The following YES1 variants were observed in gnomAD, a reference collection of about 807,000 sequenced individuals.
YES1 encodes the protein YES proto-oncogene 1, Src family tyrosine kinase.
Under a neutral mutation model 70.4 loss-of-function variants are expected in YES1, and 39 were observed. The observed-to-expected ratio is 0.55, with a 90% confidence interval of 0.43 to 0.72. YES1 has a LOEUF of 0.72. Ranked by LOEUF, YES1 falls within the 30% of genes least tolerant of loss-of-function variation. The pLI is 0.00. For missense variants in YES1, 495 were observed against 644.8 expected, an observed-to-expected ratio of 0.77 and a Z score of 2.52; for synonymous variants, 198 against 218.6, an observed-to-expected ratio of 0.91 and a Z score of 0.83.
chr18:791,151 G>A (rs148372895), intron 1 of YES1, among the ~76,000 whole-genome samples: 1,739 of 151,822 alleles, frequency 0.011, 12 homozygotes, highest in Non-Finnish European at 0.018. Context: ...TCGGGAGGCT[G>A]AGGCAGGAGA....
intron 1 of YES1, among the ~76,000 whole-genome samples, chr18:769,505 T>G (rs1905062633): frequency 6.6e-6 from 1 of 152,162 alleles, no homozygotes; most frequent in Non-Finnish European, 1.5e-5. Context: ...TTCTCAATCT[T>G]AAGAGGAAAG....
upstream of YES1, chr18:812,253 G>GC (rs1907439902): frequency 6.6e-6 from 1 of 151,784 alleles, no homozygotes; most frequent in Admixed American, 6.6e-5. Flanking sequence ...GGCAGAGCCG[G>GC]CCCGGGACGC....
At chr18:752,042 G>A (rs1454037185) in intron 2 of YES1, among the ~76,000 whole-genome samples, 3 of 152,152 alleles carry the variant, frequency 2.0e-5, no homozygotes, top group African/African-American at 7.2e-5. Context: ...TAAACTCTCC[G>A]AAGACCTTCC....
At chr18:804,838 CAGG>C (rs1468790909) in intron 1 of YES1, among the ~76,000 whole-genome samples, 3 of 137,298 alleles carry the variant, frequency 2.2e-5, no homozygotes, top group African/African-American at 8.4e-5. Context: ...CACTTGAACC[CAGG>C]AGGCTGAGGT....
chr18:788,251 A>G lies in YES1; in HGVS notation c.-9+23863T>C, dbSNP rs981274464. On this transcript the variant is annotated intron_variant, in intron 1 of 11. Coordinates refer to ENST00000314574, the MANE Select transcript of YES1 (RefSeq NM_005433.4). ...CAAAGTTTTTGATTCAAAAAAGTTC[A>G]TGTTTCCTTTCTATTTTCATATTAC... is the stretch of plus-strand genomic sequence containing the variant. 3.3e-5 allele frequency among the ~76,000 whole-genome samples: 5 copies of G among 152,186 alleles called. No individual in the cohort carries two copies. The East Asian group carries it at 5.8e-4, about 18-fold the overall frequency.
At position 747,904 on chromosome 18, in the gene YES1, T is replaced by A; in HGVS notation, c.470+16A>T. ...AAAAATCAAAATAATTAATAAAATA[T>A]GAAGTAGTGCCATACTCTTCTGCCT... is the stretch of plus-strand genomic sequence containing the variant. On this transcript the variant is annotated intron_variant, in intron 4 of 11. Transcript: ENST00000314574. 1 of 1,606,882 alleles carries A rather than the reference T, an allele frequency of 6.2e-7. No individual in the cohort carries two copies. Among genetic ancestry groups the A allele is most frequent in the Non-Finnish European group, 8.5e-7 (1 of 1,176,176 alleles).
chr18:808,172 G>C (rs771870538), intron 1 of YES1, among the ~76,000 whole-genome samples: 1 of 152,218 alleles, frequency 6.6e-6, no homozygotes, highest in Non-Finnish European at 1.5e-5. Context: ...AAGTCTGCTA[G>C]TTCCAAGACA....
rs184292401 is a variant in YES1, at chr18:722,906, C to A, written c.*1518G>T. 3.3e-5 allele frequency: 5 copies of A among 152,208 alleles called. No homozygotes were observed. Among genetic ancestry groups the A allele is most frequent in the Non-Finnish European group, 4.4e-5 (3 of 68,078 alleles). 9.4% of individuals were successfully genotyped at this position (152,208 alleles called of 1,614,324 possible). On this transcript the variant is annotated 3_prime_UTR_variant, in exon 12 of 12. Transcript: ENST00000314574. ...AGGAGATCGAGACTATCCTGGCTAACACGGTGAAACTGCGTCTCTACTAAA... is the reference window on the plus strand; with the variant it reads ...AGGAGATCGAGACTATCCTGGCTAAAACGGTGAAACTGCGTCTCTACTAAA...
rs748796323 is a variant in YES1, at chr18:737,251, G to A, written c.1138-290C>T. On this transcript the variant is annotated intron_variant, in intron 9 of 11. Transcript: ENST00000314574. ...GTGGATCATTTGAGGTCATGAGTTC[G>A]AGATCAGCCTGGCCAACACGGTGAA... 7.2e-5 allele frequency: 17 copies of A among 236,160 alleles called. 1 individual carries two copies. The South Asian group carries it at 9.3e-4, about 13-fold the overall frequency. 14.6% of individuals were successfully genotyped at this position (236,160 alleles called of 1,614,324 possible). A position where few individuals can be genotyped will look rare whatever the true frequency, so the allele number is the denominator to read the frequency against.
chr18:793,274 C>T (rs1359738184), intron 1 of YES1, among the ~76,000 whole-genome samples: 2 of 151,948 alleles, frequency 1.3e-5, no homozygotes, highest in African/African-American at 4.8e-5. Context: ...CTCCAGACCT[C>T]GTGATCCACC....
intron 10 of YES1, among the ~76,000 whole-genome samples, chr18:734,512 C>T (rs776927501): frequency 2.6e-5 from 4 of 151,490 alleles, no homozygotes; most frequent in Non-Finnish European, 4.4e-5. Flanking sequence ...GCCAAGATCG[C>T]GCCACTGCAC....
chr18:796,140 T>C (rs1906533534), intron 1 of YES1, among the ~76,000 whole-genome samples: 1 of 152,134 alleles, frequency 6.6e-6, no homozygotes, highest in African/African-American at 2.4e-5. Flanking sequence ...TAAATGCATA[T>C]GAATAGCTGA....
chr18:756,952 A>G lies in YES1; in HGVS notation c.-8-117T>C, dbSNP rs143507500. Reference sequence around the variant, plus strand: ...TGCCATCCCTGCAAAAAGGAACATAAACAAAACAAAAAATAGAAAGCTGAA... The same window carrying G: ...TGCCATCCCTGCAAAAAGGAACATAGACAAAACAAAAAATAGAAAGCTGAA... On this transcript the variant is annotated intron_variant, in intron 1 of 11. Transcript: ENST00000314574. 819 of 1,018,510 alleles carry G rather than the reference A, an allele frequency of 8.0e-4. 5 individuals carry two copies. In the African/African-American group the frequency reaches 0.012, roughly 15 times the overall value. 63.1% of individuals were successfully genotyped at this position (1,018,510 alleles called of 1,614,324 possible).
intron 1 of YES1, among the ~76,000 whole-genome samples, chr18:791,273 A>C (rs936649540): frequency 6.6e-6 from 1 of 152,054 alleles, no homozygotes; most frequent in Non-Finnish European, 1.5e-5. Flanking sequence ...AAAAAAAAAA[A>C]AGAAAGTCTA....
At chr18:726,575 T>C (rs374764966) in intron 11 of YES1, among the ~76,000 whole-genome samples, 26 of 147,522 alleles carry the variant, frequency 1.8e-4, no homozygotes, top group African/African-American at 6.5e-4. Context: ...AGGTCAGGAG[T>C]TTGAGACCAG....
At chr18:748,175 T>A (rs972800059) in intron 3 of YES1, among the ~76,000 whole-genome samples, 157 bp from the exon 4 acceptor site, 43 of 152,308 alleles carry the variant, frequency 2.8e-4, no homozygotes, top group Non-Finnish European at 2.6e-4. Context: ...AGAATGATAT[T>A]AAAAAATAGG....
At position 756,540 on chromosome 18, in the gene YES1, G is replaced by T. The variant is rs1041639822; in HGVS notation, c.271+17C>A. ...ATGTTCTCAAACAGACAACATAATT[G>T]TCCATTTAAATCTCACCTGTTAAAC... On this transcript the variant is annotated intron_variant, in intron 2 of 11. Transcript: ENST00000314574. 9 of 1,613,338 alleles carry T rather than the reference G, an allele frequency of 5.6e-6. No individual in the cohort carries two copies. The highest frequency in any genetic ancestry group is 1.1e-5 in the South Asian group (1 of 91,030).
intron 1 of YES1, among the ~76,000 whole-genome samples, chr18:780,835 T>C (rs1364798135): frequency 6.6e-6 from 1 of 152,230 alleles, no homozygotes; most frequent in African/African-American, 2.4e-5. Context: ...TCCATCCTTC[T>C]ACAGTGTTAA....
At chr18:773,729 T>C (rs759251581) in intron 1 of YES1, among the ~76,000 whole-genome samples, 4 of 152,220 alleles carry the variant, frequency 2.6e-5, no homozygotes, top group Non-Finnish European at 4.4e-5. Flanking sequence ...AACTTTCCTA[T>C]GTTTCTCGCA....
Sources: gnomAD v4.1 joint callset for allele counts (sites outside exome capture counted in the v4.1 genomes callset) on GRCh38, gnomAD v4.1.1 for gene constraint, MANE v1.5 for transcripts, NCBI Gene and HGNC (gene_info 2026-07-23, HGNC 2026-07-21) for gene names.